The following PRKCZ variants were observed in gnomAD, a reference collection of about 807,000 sequenced individuals.
PRKCZ encodes protein kinase C zeta.
PRKCZ carries 33 observed loss-of-function variants against 79.5 expected under a neutral mutation model. The observed-to-expected ratio is 0.41, with a 90% CI of 0.31 to 0.55. The LOEUF (loss-of-function observed/expected upper bound fraction) is 0.55, where lower values mean the gene tolerates loss of function less well. PRKCZ is among the 20% of genes least tolerant of loss of function. The pLI is 0.19. For missense variants in PRKCZ, 578 were observed against 813.5 expected (o/e 0.71, Z 3.52); for synonymous variants, 342 against 320.9 (o/e 1.07, Z -0.70).
intron 4 of PRKCZ, among the ~76,000 whole-genome samples, chr1:2,115,610 G>A (rs1465360303): frequency 2.0e-5 from 3 of 152,232 alleles, no homozygotes; most frequent in African/African-American, 7.2e-5. Context: ...CCAGCTGCAA[G>A]TGCCAGGTGA....
chr1:2,090,502 C>G (rs1467154045), intron 4 of PRKCZ, among the ~76,000 whole-genome samples: 1 of 152,224 alleles, frequency 6.6e-6, no homozygotes, highest in South Asian at 2.1e-4. Flanking sequence ...AGCCCCCTCA[C>G]CCTCAGCTGC....
At chr1:2,144,498 T>C (rs764709013) in intron 6 of PRKCZ, 157 bp downstream of exon 6, 1 of 1,444,096 alleles carries the variant, frequency 6.9e-7, no homozygotes, top group Non-Finnish European at 9.1e-7. Flanking sequence ...CAGGCGGCAG[T>C]CTTGGATAGG....
At chr1:2,118,620 A>T (rs1671221807) in intron 4 of PRKCZ, among the ~76,000 whole-genome samples, 1 of 152,094 alleles carries the variant, frequency 6.6e-6, no homozygotes, top group Non-Finnish European at 1.5e-5. Context: ...TACAGGCGTG[A>T]GCCACTGTGC....
In PRKCZ at chr1:2,117,939, C is replaced by T. The variant is rs1671056021; in HGVS notation, c.335-17323C>T. 2.8e-5 allele frequency among the ~76,000 whole-genome samples: 4 copies of T among 141,420 alleles called. No homozygotes were observed. In the South Asian group the frequency reaches 9.1e-4, roughly 32 times the overall value. 92.8% of individuals were successfully genotyped at this position (141,420 alleles called of 152,430 possible). A position where few individuals can be genotyped will look rare whatever the true frequency, so the allele number is the denominator to read the frequency against. ...TTTATATTTTGCTTGATTCAGTTTGCTATTATTTTGTTTGTTGTTTTTGCA... is the reference window on the plus strand; with the variant it reads ...TTTATATTTTGCTTGATTCAGTTTGTTATTATTTTGTTTGTTGTTTTTGCA... On this transcript the variant is annotated intron_variant, in intron 4 of 17. Transcript: ENST00000378567.
chr1:2,171,089 G>A (rs1018660274), intron 11 of PRKCZ, among the ~76,000 whole-genome samples: 1 of 152,144 alleles, frequency 6.6e-6, no homozygotes, highest in Non-Finnish European at 1.5e-5. Flanking sequence ...CCAGCACTTT[G>A]AGAGGCCAAG....
chr1:2,128,647 A>ATG lies in PRKCZ; in HGVS notation c.335-6615_335-6614insTG, dbSNP rs1331190575. On this transcript the variant is annotated intron_variant, in intron 4 of 17. Coordinates refer to ENST00000378567, the MANE Select transcript of PRKCZ (RefSeq NM_002744.6). This position sits in a 1 kb window ranked among gnomAD's most constrained non-coding sequence, Gnocchi z 6.5. The stretch of plus-strand genomic sequence containing the variant: ...TTTTGTTCCCTGCTTGCTTCAGCAG[A>ATG]GCCTGGCACCCAGGGAGGTGGCAGG... 6.6e-6 allele frequency among the ~76,000 whole-genome samples: 1 copy of ATG among 152,128 alleles called. No individual in the cohort carries two copies. Among genetic ancestry groups the ATG allele is most frequent in the African/African-American group, 2.4e-5 (1 of 41,426 alleles).
At chr1:2,121,634 A>ACGGCTGTAGTTAGGGTCATG (rs1671992330) in intron 4 of PRKCZ, among the ~76,000 whole-genome samples, 3 of 12,684 alleles carry the variant, frequency 2.4e-4, no homozygotes, top group African/African-American at 7.2e-4. Flanking sequence ...TTAGGGTCAC[A>ACGGCTGTAGTTAGGGTCATG]GTGGTAGTTA....
At chr1:2,105,997 T>TC (rs1465405535) in intron 4 of PRKCZ, among the ~76,000 whole-genome samples, 3 of 152,212 alleles carry the variant, frequency 2.0e-5, no homozygotes, top group African/African-American at 7.2e-5. Context: ...GTTTGTGCCC[T>TC]GTGTGGGAGG....
chr1:2,185,101 C>T lies in PRKCZ; in HGVS notation c.*92C>T, dbSNP rs924148376. The stretch of plus-strand genomic sequence containing the variant: ...ATGCATGCCAGGCTGGGCACGGCTC[C>T]GAGGGCGGCCAGGGACAGACGCTTG... On this transcript the variant is annotated 3_prime_UTR_variant, in exon 18 of 18. Coordinates refer to ENST00000378567, the MANE Select transcript of PRKCZ (RefSeq NM_002744.6). The T allele has an allele frequency of 3.0e-5, 38 of 1,273,926 alleles. No homozygotes were observed. The highest frequency in any genetic ancestry group is 1.8e-4 in the Middle Eastern group (1 of 5,442). 78.9% of individuals were successfully genotyped at this position (1,273,926 alleles called of 1,614,324 possible). A position where few individuals can be genotyped will look rare whatever the true frequency, so the allele number is the denominator to read the frequency against.
At chr1:2,106,409 C>T (rs1159952005) in intron 4 of PRKCZ, among the ~76,000 whole-genome samples, 1 of 152,046 alleles carries the variant, frequency 6.6e-6, no homozygotes. Context: ...GCAAGCCCCT[C>T]TAGTGGGCGA....
chr1:2,130,264 C>G (rs560524155), intron 4 of PRKCZ, among the ~76,000 whole-genome samples: 85 of 152,330 alleles, frequency 5.6e-4, no homozygotes, highest in African/African-American at 1.8e-3. Context: ...TATAACTCAC[C>G]TGGTCCCTGC....
intron 4 of PRKCZ, among the ~76,000 whole-genome samples, chr1:2,120,292 C>CTTTTTT (rs1671601063): frequency 2.5e-5 from 1 of 40,420 alleles, no homozygotes; most frequent in Non-Finnish European, 5.1e-5. Context: ...CTTGACTTTT[C>CTTTTTT]GTTTTTTTTT....
chr1:2,171,938 A>T, intron 11 of PRKCZ, 117 bp from the exon 12 acceptor site: 1 of 1,283,790 alleles, frequency 7.8e-7, no homozygotes, highest in Non-Finnish European at 1.0e-6. Context: ...GGGCCTGGTC[A>T]TTGAGAGGAT....
chr1:2,091,693 A>G (rs1665530070), intron 4 of PRKCZ, among the ~76,000 whole-genome samples: 1 of 152,016 alleles, frequency 6.6e-6, no homozygotes, highest in Non-Finnish European at 1.5e-5. Flanking sequence ...CCGTTTTGTA[A>G]TTGAGTTCCT....
intron 4 of PRKCZ, chr1:2,073,809 C>G (rs546174296): frequency 1.9e-6 from 2 of 1,031,216 alleles, no homozygotes; most frequent in African/African-American, 3.4e-5. Context: ...TGCCTATTGT[C>G]GGGGCCGGAG....
At position 2,124,192 on chromosome 1, in the gene PRKCZ, TGTAGTTAGGGTCAC is replaced by T. The variant is rs1673301475; in HGVS notation, c.335-11068_335-11055del. Among the ~76,000 whole-genome samples, 2 of 1,656 alleles carry T rather than the reference TGTAGTTAGGGTCAC, an allele frequency of 1.2e-3. 1 individual carries two copies. Among genetic ancestry groups the T allele is most frequent in the African/African-American group, 9.2e-3 (2 of 218 alleles). The allele number at this position is 1,656 out of a possible 152,430, so 1.1% of individuals were successfully genotyped here. ...TCACGGCGGTGGTTAGGGTCACGGCTGTAGTTAGGGTCACGGCTGTAGTTAGCGTCACGGTGGTG... is the reference window on the plus strand; with the variant it reads ...TCACGGCGGTGGTTAGGGTCACGGCTGGCTGTAGTTAGCGTCACGGTGGTG... On this transcript the variant is annotated intron_variant, in intron 4 of 17. Coordinates refer to ENST00000378567, the MANE Select transcript of PRKCZ (RefSeq NM_002744.6).
rs562342798 is a variant in PRKCZ at position 2,067,240 on chromosome 1, G to T, written c.334+7649G>T. On this transcript the variant is annotated intron_variant, in intron 4 of 17. Coordinates refer to ENST00000378567, the MANE Select transcript of PRKCZ (RefSeq NM_002744.6). ...TGTGCGTTGAGGGTGTGCAGCCGCT[G>T]TGGGTACAGCGCTCTGCTGTGTCTG... 7.9e-5 allele frequency among the ~76,000 whole-genome samples: 12 copies of T among 152,330 alleles called. 1 individual carries two copies. In the South Asian group the frequency reaches 2.5e-3, roughly 32 times the overall value.
intron 4 of PRKCZ, among the ~76,000 whole-genome samples, chr1:2,085,859 C>T (rs1664430677): frequency 6.6e-6 from 1 of 152,162 alleles, no homozygotes; most frequent in Non-Finnish European, 1.5e-5. Flanking sequence ...GGTCTGCACT[C>T]ATGGGTGGGT....
At position 2,098,874 on chromosome 1, in the gene PRKCZ, G is replaced by A. The variant is rs28419050; in HGVS notation, c.335-36388G>A. ...TTTTTTGTATATTTAGTGGAGATGG[G>A]GTTTCACCATGTTAGCCAGGATGGT... On this transcript the variant is annotated intron_variant, in intron 4 of 17. Coordinates refer to ENST00000378567, the MANE Select transcript of PRKCZ (RefSeq NM_002744.6). 1.0e-3 allele frequency among the ~76,000 whole-genome samples: 159 copies of A among 152,156 alleles called. 1 individual carries two copies. The highest frequency in any genetic ancestry group is 3.7e-3 in the African/African-American group (154 of 41,490).
Sources: gnomAD v4.1 joint callset for allele counts (sites outside exome capture counted in the v4.1 genomes callset) on GRCh38, gnomAD v4.1.1 for gene constraint, Gnocchi (gnomAD v3.1) non-coding constraint, MANE v1.5 for transcripts, NCBI Gene and HGNC (gene_info 2026-07-23, HGNC 2026-07-21) for gene names.